The following SRRM4 variants were observed in gnomAD, a reference collection of about 807,000 sequenced individuals.
SRRM4 encodes the protein serine/arginine repetitive matrix 4.
In SRRM4, 33 loss-of-function variants were observed where a neutral mutation model predicts 68.9. That is an observed-to-expected ratio of 0.48 (90% confidence interval 0.36 to 0.64). The LOEUF is 0.64. Ranked by LOEUF, SRRM4 falls within the 30% of genes least tolerant of loss-of-function variation. SRRM4 has a pLI of 0.00. For missense variants in SRRM4, 817 were observed against 827.1 expected (o/e 0.99, Z 0.15); for synonymous variants, 318 against 318.8 (o/e 1.00, Z 0.03).
At chr12:119,149,684 A>G (rs2136067860) in intron 9 of SRRM4, among the ~76,000 whole-genome samples, 1 of 152,324 alleles carries the variant, frequency 6.6e-6, no homozygotes, top group Non-Finnish European at 1.5e-5. Context: ...GTTTGCAGAC[A>G]GCCAGAATGT....
At chr12:119,044,396 C>T (rs926972073) in intron 1 of SRRM4, among the ~76,000 whole-genome samples, 61 of 152,318 alleles carry the variant, frequency 4.0e-4, no homozygotes, top group African/African-American at 1.4e-3. Flanking sequence ...CATTTCAGAG[C>T]TGCACAGGCC....
At chr12:119,111,772 C>A (rs1954145254) in intron 2 of SRRM4, among the ~76,000 whole-genome samples, 1 of 152,140 alleles carries the variant, frequency 6.6e-6, no homozygotes, top group African/African-American at 2.4e-5. Context: ...GGCCGGGCAC[C>A]ATGGCTCATG....
In SRRM4 at chr12:119,106,156, C is replaced by T. The variant is rs543344952; in HGVS notation, c.278+3774C>T. Among the ~76,000 whole-genome samples the T allele has an allele frequency of 7.9e-5, 12 of 152,086 alleles. No homozygotes were observed. In the South Asian group the frequency reaches 2.3e-3, roughly 29 times the overall value. ...TTATTTCTGAGGGCTCTGTTCTATT[C>T]CATTGGTCTATATCTCTGTTTTGGT... On this transcript the variant is annotated intron_variant, in intron 2 of 12. Transcript: ENST00000267260.
chr12:119,133,601 C>A (rs1954310877), intron 8 of SRRM4, among the ~76,000 whole-genome samples: 1 of 152,170 alleles, frequency 6.6e-6, no homozygotes, highest in African/African-American at 2.4e-5. Context: ...TTCTCGTCTT[C>A]TCTATTACAA....
Position 119,109,878 on chromosome 12 carries a change from G to A in SRRM4, c.279-4400G>A, listed in dbSNP as rs530923835. 1.3e-4 allele frequency among the ~76,000 whole-genome samples: 20 copies of A among 152,326 alleles called. No individual in the cohort carries two copies. The East Asian group carries it at 2.1e-3, about 16-fold the overall frequency. On this transcript the variant is annotated intron_variant, in intron 2 of 12. Transcript: ENST00000267260. The stretch of plus-strand genomic sequence containing the variant: ...TGTTCCATTGTTGGCAAGGAGCTGC[G>A]TTCCTTTGGAGGAGAAGAGGCTCTC...
At chr12:119,134,360 T>A (rs1954315577) in intron 8 of SRRM4, among the ~76,000 whole-genome samples, 1 of 133,696 alleles carries the variant, frequency 7.5e-6, no homozygotes, top group African/African-American at 2.9e-5. Context: ...CTGTTCAAGG[T>A]ACTGGGGAGG....
intron 1 of SRRM4, among the ~76,000 whole-genome samples, chr12:119,021,996 C>G (rs1297044036): frequency 6.6e-6 from 1 of 151,788 alleles, no homozygotes; most frequent in Non-Finnish European, 1.5e-5. Flanking sequence ...ATCCTTGACA[C>G]AGGGAGGGGA....
intron 1 of SRRM4, among the ~76,000 whole-genome samples, chr12:119,007,856 A>C (rs1953425285): frequency 6.6e-6 from 1 of 152,160 alleles, no homozygotes; most frequent in African/African-American, 2.4e-5. Context: ...TGTTTGGCTC[A>C]GTTCTGGGTT....
At chr12:119,122,539 C>G (rs1034959000) in intron 6 of SRRM4, among the ~76,000 whole-genome samples, 2 of 151,942 alleles carry the variant, frequency 1.3e-5, no homozygotes, top group African/African-American at 4.8e-5. Flanking sequence ...ATATCTAGTG[C>G]ATGCATTGTA....
Position 119,125,368 on chromosome 12 carries a change from T to C in SRRM4, c.516-13T>C, listed in dbSNP as rs758307248. Reference sequence around the variant, plus strand: ...CTCCTCTCCTCTGACTCGTTCCTTCTCATCCCCCCAAGATCTCGAAGCCGG... The same window carrying C: ...CTCCTCTCCTCTGACTCGTTCCTTCCCATCCCCCCAAGATCTCGAAGCCGG... On this transcript the variant is annotated splice_polypyrimidine_tract_variant and intron_variant, in intron 6 of 12. Coordinates refer to ENST00000267260, the MANE Select transcript of SRRM4 (RefSeq NM_194286.4). 19 of 1,609,594 alleles carry C rather than the reference T, an allele frequency of 1.2e-5. No individual in the cohort carries two copies. The highest frequency in any genetic ancestry group is 1.6e-5 in the Non-Finnish European group (19 of 1,177,200).
chr12:119,004,150 A>T (rs1407025896), intron 1 of SRRM4, among the ~76,000 whole-genome samples: 1 of 151,902 alleles, frequency 6.6e-6, no homozygotes, highest in Non-Finnish European at 1.5e-5. Context: ...TCTTTTTCTT[A>T]AAGAGGCCTC....
At chr12:119,150,823 T>C (rs1054986043) in intron 9 of SRRM4, among the ~76,000 whole-genome samples, 194 bp from the exon 10 acceptor site, 2 of 152,154 alleles carry the variant, frequency 1.3e-5, no homozygotes, top group African/African-American at 4.8e-5. Flanking sequence ...ATTGTCTACT[T>C]TTAAGGTATC....
At chr12:119,144,738 G>A (rs746131046) in intron 8 of SRRM4, among the ~76,000 whole-genome samples, 2 of 149,170 alleles carry the variant, frequency 1.3e-5, no homozygotes, top group Admixed American at 6.7e-5. Context: ...TTCCCCTTTA[G>A]TTGAAAACTG....
chr12:119,055,925 A>G (rs553202911), intron 1 of SRRM4, among the ~76,000 whole-genome samples: 54 of 152,272 alleles, frequency 3.5e-4, no homozygotes, highest in African/African-American at 1.3e-3. Context: ...TGCTTCCAGA[A>G]CCCATGCTGT....
chr12:119,150,022 G>T (rs1954428739), intron 9 of SRRM4, among the ~76,000 whole-genome samples: 1 of 152,012 alleles, frequency 6.6e-6, no homozygotes, highest in Non-Finnish European at 1.5e-5. Flanking sequence ...TGCAAAATGG[G>T]TTACATCAAA....
chr12:118,982,586 C>T (rs1267675707), intron 1 of SRRM4, among the ~76,000 whole-genome samples: 8 of 152,012 alleles, frequency 5.3e-5, no homozygotes, highest in African/African-American at 9.7e-5. Flanking sequence ...TCCTCTCCAG[C>T]ATCCAAAACC....
intron 12 of SRRM4, among the ~76,000 whole-genome samples, chr12:119,155,721 A>C (rs1471322969): frequency 2.6e-5 from 4 of 152,176 alleles, no homozygotes; most frequent in Admixed American, 1.3e-4. Context: ...TGGGTGACAG[A>C]GCGAGACCCT....
Position 119,130,683 on chromosome 12 carries a change from G to A in SRRM4, c.620G>A (p.Arg207His), listed in dbSNP as rs532719039. 89 of 1,609,938 alleles carry A rather than the reference G, an allele frequency of 5.5e-5. No individual in the cohort carries two copies. Among genetic ancestry groups the A allele is most frequent in the East Asian group, 8.9e-5 (4 of 44,838 alleles). Reference protein sequence around the residue: ...SRPSSCESRHRGRSPEEGQKS... With the variant: ...SRPSSCESRHHGRSPEEGQKS... ...TCTCTCTCCCCCATCCCCAGGCACCGCGGCCGGTCCCCTGAGGAAGGGCAG... is the reference window on the plus strand; with the variant it reads ...TCTCTCTCCCCCATCCCCAGGCACCACGGCCGGTCCCCTGAGGAAGGGCAG... The change falls in exon 8 of 13, where the codon CGC becomes CAC. Residue 207 changes from arginine to histidine, a missense_variant. Coordinates refer to ENST00000267260, the MANE Select transcript of SRRM4 (RefSeq NM_194286.4).
Position 119,142,792 on chromosome 12 carries a change from C to T in SRRM4, c.772-2589C>T, listed in dbSNP as rs116105772. Among the ~76,000 whole-genome samples the T allele has an allele frequency of 6.7e-3, 1,017 of 152,264 alleles. 11 individuals are homozygous for T. Among genetic ancestry groups the T allele is most frequent in the African/African-American group, 0.023 (958 of 41,552 alleles). On this transcript the variant is annotated intron_variant, in intron 8 of 12. Transcript: ENST00000267260. ...TTTGTACCAAGCCCAAGCCAGAGAT[C>T]GCAGATCTCAGGGTCTAGTTGCCTG...
Sources: gnomAD v4.1 joint callset for allele counts (sites outside exome capture counted in the v4.1 genomes callset) on GRCh38, gnomAD v4.1.1 for gene constraint, MANE v1.5 for transcripts, NCBI Gene and HGNC (gene_info 2026-07-23, HGNC 2026-07-21) for gene names.